NEBL: variants seen among roughly 807,000 people sequenced by gnomAD.
NEBL encodes the protein nebulette, also known as LIM and SH3 protein 2.
Under a neutral mutation model 140.2 loss-of-function variants are expected in NEBL, and 122 were observed. That is an observed-to-expected ratio of 0.87 (90% CI 0.75 to 1.01). The LOEUF (loss-of-function observed/expected upper bound fraction) is 1.01. NEBL is among the 50% of genes least tolerant of loss of function. The pLI, the probability that NEBL is intolerant of heterozygous loss-of-function variation, is 0.00. For synonymous variants in NEBL, 436 were observed against 398.9 expected (o/e 1.09, Z -1.11); for missense variants, 1,365 against 1,231.3 (o/e 1.11, Z -1.62).
chr10:21,229,778 C>G (rs1046394874), intron 3 of NEBL, among the ~76,000 whole-genome samples: 10 of 152,196 alleles, frequency 6.6e-5, no homozygotes. Flanking sequence ...TAACCTTGAC[C>G]ACGTCACATA....
intron 2 of NEBL, among the ~76,000 whole-genome samples, chr10:21,060,671 C>T (rs1434366603): frequency 6.6e-6 from 1 of 151,918 alleles, no homozygotes; most frequent in Non-Finnish European, 1.5e-5. Flanking sequence ...GTATGCAAAA[C>T]TCTTCAAAAA....
At chr10:21,254,121 T>TTTTTATGAATTTTAAA (rs1842624679) in intron 1 of NEBL, among the ~76,000 whole-genome samples, 1 of 152,198 alleles carries the variant, frequency 6.6e-6, no homozygotes, top group African/African-American at 2.4e-5. Flanking sequence ...CTTTCATATG[T>TTTTTATGAATTTTAAA]AGAATTTTAA....
chr10:21,023,959 A>G (rs1220806744), intron 2 of NEBL, among the ~76,000 whole-genome samples: 1 of 152,132 alleles, frequency 6.6e-6, no homozygotes. Context: ...TGACTTTGCA[A>G]CATGAAAGGG....
intron 5 of NEBL, among the ~76,000 whole-genome samples, chr10:20,870,143 A>G (rs1844772651): frequency 6.6e-6 from 1 of 152,080 alleles, no homozygotes; most frequent in Non-Finnish European, 1.5e-5. Context: ...CCTGGCCAAC[A>G]TGGTGAAACC....
chr10:21,228,100 CAA>C (rs922057123), intron 3 of NEBL, among the ~76,000 whole-genome samples: 18 of 151,608 alleles, frequency 1.2e-4, no homozygotes, highest in Admixed American at 1.2e-3. Flanking sequence ...AAAGTTAATC[CAA>C]AGTTTTTTGG....
chr10:20,786,032 A>G, intron 27 of NEBL, 109 bp from the exon 28 acceptor site: 1 of 1,052,606 alleles, frequency 9.5e-7, no homozygotes, highest in Middle Eastern at 2.3e-4. Flanking sequence ...GAATGTTTTC[A>G]AACACATGTA....
chr10:21,175,047 A>T (rs750732221), upstream of NEBL: 9 of 152,234 alleles, frequency 5.9e-5, no homozygotes, highest in Non-Finnish European at 7.3e-5. Context: ...AGAGCCAGAA[A>T]ATCAAGTAGA....
chr10:20,894,861 G>A (rs1234021965), intron 2 of NEBL, among the ~76,000 whole-genome samples: 22 of 150,032 alleles, frequency 1.5e-4, no homozygotes, highest in Non-Finnish European at 2.4e-4. Context: ...CCCAGGAGGC[G>A]GAGCTTGCAG....
chr10:21,122,541 G>A (rs1222100887), intron 2 of NEBL, among the ~76,000 whole-genome samples: 2 of 152,134 alleles, frequency 1.3e-5, no homozygotes, highest in Admixed American at 6.5e-5. Flanking sequence ...TGGCCATGGT[G>A]AGTGATAAAT....
At chr10:20,792,187 A>G (rs1029142096) in intron 26 of NEBL, among the ~76,000 whole-genome samples, 10 of 152,154 alleles carry the variant, frequency 6.6e-5, no homozygotes, top group African/African-American at 2.4e-4. Flanking sequence ...CTATAGATGT[A>G]ATGTGAAAAG....
At chr10:21,109,293 G>T (rs1055853639) in intron 2 of NEBL, among the ~76,000 whole-genome samples, 13 of 152,166 alleles carry the variant, frequency 8.5e-5, no homozygotes, top group Non-Finnish European at 4.4e-5. Context: ...TTATGTGATG[G>T]ATTATGTTTA....
chr10:21,120,389 A>ATAC (rs1554826387), intron 2 of NEBL, among the ~76,000 whole-genome samples: 58 of 63,000 alleles, frequency 9.2e-4, no homozygotes, highest in African/African-American at 4.1e-3. Context: ...AAAAAAAAAA[A>ATAC]ATACATATAT....
At chr10:21,123,192 A>C (rs1253418877) in intron 2 of NEBL, among the ~76,000 whole-genome samples, 1 of 152,194 alleles carries the variant, frequency 6.6e-6, no homozygotes, top group African/African-American at 2.4e-5. Flanking sequence ...ACTCTTAAAA[A>C]TCCAGCAAGT....
chr10:20,997,428 T>A (rs1379177225), intron 3 of NEBL, among the ~76,000 whole-genome samples: 2 of 115,816 alleles, frequency 1.7e-5, no homozygotes, highest in African/African-American at 6.7e-5. Context: ...GGTACCCCCA[T>A]CCCTACAGCC....
chr10:21,134,746 A>G lies in NEBL; in HGVS notation c.164+37637T>C, dbSNP rs558485632. ...AGATGCGCAATATAATTAGATGGGG[A>G]AACCTTCTGGGATCAAATCACGTCT... On this transcript the variant is annotated intron_variant, in intron 2 of 6. Coordinates refer to the NEBL transcript ENST00000417816. 2.6e-5 allele frequency among the ~76,000 whole-genome samples: 4 copies of G among 152,356 alleles called. No homozygotes were observed. In the South Asian group the frequency reaches 8.3e-4, roughly 32 times the overall value.
chr10:21,175,895 T>C (rs1841289579), upstream of NEBL, among the ~76,000 whole-genome samples: 1 of 152,264 alleles, frequency 6.6e-6, no homozygotes, highest in Non-Finnish European at 1.5e-5. Context: ...TATTCTCTTT[T>C]TCAAATTGTA....
chr10:21,236,689 C>G, intron 3 of NEBL, among the ~76,000 whole-genome samples: 1 of 152,066 alleles, frequency 6.6e-6, no homozygotes, highest in East Asian at 1.9e-4. Flanking sequence ...GAAGATTTCC[C>G]CATGGCCTAT....
At chr10:20,971,294 C>A (rs1040698251) in intron 3 of NEBL, among the ~76,000 whole-genome samples, 6 of 152,098 alleles carry the variant, frequency 3.9e-5, no homozygotes, top group Non-Finnish European at 7.4e-5. Context: ...CATATTTTCA[C>A]TAAGAATTTC....
At chr10:21,091,794 T>G (rs1464013068) in intron 2 of NEBL, among the ~76,000 whole-genome samples, 1 of 152,040 alleles carries the variant, frequency 6.6e-6, no homozygotes, top group African/African-American at 2.4e-5. Context: ...CAAGGCAAAT[T>G]TTTTTATTTT....
Sources: allele counts gnomAD v4.1 joint callset (sites outside exome capture counted in the v4.1 genomes callset), GRCh38; gene constraint gnomAD v4.1.1; transcripts MANE v1.5; gene names NCBI Gene and HGNC (gene_info 2026-07-23, HGNC 2026-07-21).